Variants in TLN2 observed in about 807,000 individuals in gnomAD.
TLN2 encodes the protein talin-2.
TLN2 carries 118 observed loss-of-function variants against 294.7 expected under a neutral mutation model. That is an observed-to-expected ratio of 0.40 (90% CI 0.34 to 0.47). The LOEUF (loss-of-function observed/expected upper bound fraction) is 0.47. TLN2 is among the 20% of genes least tolerant of loss of function. The probability of loss-of-function intolerance (pLI) is 0.84; values close to 1 mark genes in which losing one functional copy is unlikely to be tolerated. For missense variants in TLN2, 3,083 were observed against 3,282.2 expected (o/e 0.94, Z 1.48); for synonymous variants, 1,431 against 1,304.5 (o/e 1.10, Z -2.09).
intron 1 of TLN2, among the ~76,000 whole-genome samples, chr15:62,439,685 A>T (rs1484191963): frequency 6.6e-6 from 1 of 152,034 alleles, no homozygotes; most frequent in Non-Finnish European, 1.5e-5. Context: ...ATAAATGTTT[A>T]TTTCTGGTGA....
At chr15:62,546,961 C>G (rs1411862577) in intron 1 of TLN2, among the ~76,000 whole-genome samples, 1 of 152,094 alleles carries the variant, frequency 6.6e-6, no homozygotes, top group African/African-American at 2.4e-5. Flanking sequence ...AGTCTGTGGA[C>G]CTCTTGAGAA....
chr15:62,476,412 G>A (rs4775508), intron 1 of TLN2: 86,602 of 152,150 alleles, frequency 0.57, 24,804 homozygotes, highest in Middle Eastern at 0.62. Flanking sequence ...ACTTGTTGAA[G>A]ACCATGAGTA....
chr15:62,750,560 C>A lies in TLN2; in HGVS notation c.4209+69C>A, dbSNP rs538985559. On this transcript the variant is annotated intron_variant, in intron 34 of 58. Transcript: ENST00000636159. ...CAATGTGGGGAGAAGTTTAGACGTG[C>A]CTTCTGTGCATCTGCCTGTGGCTGG... 5.5e-4 allele frequency: 743 copies of A among 1,344,506 alleles called. 13 individuals are homozygous for A. The South Asian group carries it at 8.5e-3, about 15-fold the overall frequency. The allele number at this position is 1,344,506 out of a possible 1,614,324, so 83.3% of individuals were successfully genotyped here.
chr15:62,399,270 A>C (rs916849902), intron 1 of TLN2, among the ~76,000 whole-genome samples: 2 of 150,470 alleles, frequency 1.3e-5, no homozygotes, highest in African/African-American at 4.9e-5. Flanking sequence ...AAAAAAAAAA[A>C]AAAAAAAAAA....
At chr15:62,713,663 T>G (rs2059573712) in intron 22 of TLN2, among the ~76,000 whole-genome samples, 1 of 151,776 alleles carries the variant, frequency 6.6e-6, no homozygotes, top group African/African-American at 2.4e-5. Flanking sequence ...CGGGAGATAC[T>G]GCAAGACTCT....
At chr15:62,634,341 T>C (rs187424561) in intron 3 of TLN2, among the ~76,000 whole-genome samples, 4 of 152,368 alleles carry the variant, frequency 2.6e-5, no homozygotes, top group East Asian at 1.9e-4. Context: ...CTGTCTCTCT[T>C]TGACTGGTCT....
intron 1 of TLN2, among the ~76,000 whole-genome samples, chr15:62,521,776 C>T (rs950041806): frequency 2.0e-5 from 3 of 152,140 alleles, no homozygotes; most frequent in Admixed American, 6.5e-5. Context: ...GGACATTTTC[C>T]GCATGCAAAT....
Position 62,739,493 on chromosome 15 carries a change from A to G in TLN2, c.3833A>G (p.Asp1278Gly). 1 of 1,614,204 alleles carries G rather than the reference A, an allele frequency of 6.2e-7. No individual in the cohort carries two copies. Among genetic ancestry groups the G allele is most frequent in the Non-Finnish European group, 8.5e-7 (1 of 1,180,038 alleles). Residue 1278 changes from aspartate (D) to glycine (G), a missense_variant, in exon 31 of 59, where the codon GAT becomes GGT. By Grantham distance (94) the Asp-to-Gly change is moderately conservative. Coordinates refer to ENST00000636159, the MANE Select transcript of TLN2 (RefSeq NM_015059.3). Reference protein sequence around the residue: ...ELAAASGKFSDDFDEFLDAGI... With the variant: ...ELAAASGKFSGDFDEFLDAGI... ...GCTGCAGCCTCTGGAAAGTTCAGTGATGATTTTGATGAATTCCTCGATGCT... is the reference window on the plus strand; with the variant it reads ...GCTGCAGCCTCTGGAAAGTTCAGTGGTGATTTTGATGAATTCCTCGATGCT...
At chr15:62,813,623 A>G (rs1823990331) in intron 52 of TLN2, among the ~76,000 whole-genome samples, 1 of 152,220 alleles carries the variant, frequency 6.6e-6, no homozygotes, top group African/African-American at 2.4e-5. Flanking sequence ...TCCAGCTCCA[A>G]GATTAGGATC....
At chr15:62,532,172 C>A (rs1426940275) in intron 1 of TLN2, among the ~76,000 whole-genome samples, 4 of 152,186 alleles carry the variant, frequency 2.6e-5, no homozygotes, top group African/African-American at 9.6e-5. Flanking sequence ...GTCTTGGCCC[C>A]CTGAGTGGCT....
At chr15:62,622,217 GA>G (rs942573532) in intron 3 of TLN2, among the ~76,000 whole-genome samples, 11 of 148,610 alleles carry the variant, frequency 7.4e-5, no homozygotes, top group Non-Finnish European at 1.3e-4. Flanking sequence ...CTGAGGATCA[GA>G]AAATTAAAAC....
chr15:62,645,889 A>G lies in TLN2; in HGVS notation c.-36-1386A>G, dbSNP rs1021563715. ...TAGGATGACACTCAGCTGGTTCTTCAGGCACAAAGAAAAAAGCGTTTGTGA... is the reference window on the plus strand; with the variant it reads ...TAGGATGACACTCAGCTGGTTCTTCGGGCACAAAGAAAAAAGCGTTTGTGA... On this transcript the variant is annotated intron_variant, in intron 3 of 58. Coordinates refer to ENST00000636159, the MANE Select transcript of TLN2 (RefSeq NM_015059.3). Among the ~76,000 whole-genome samples, 3 of 152,200 alleles carry G rather than the reference A, an allele frequency of 2.0e-5. No individual in the cohort carries two copies. In the East Asian group the frequency reaches 5.8e-4, roughly 29 times the overall value.
At chr15:62,607,100 C>T (rs140311831) in intron 2 of TLN2, among the ~76,000 whole-genome samples, 49 of 152,268 alleles carry the variant, frequency 3.2e-4, no homozygotes, top group South Asian at 3.1e-3. Context: ...TTTTCTCGCC[C>T]GTGATCCTGG....
At chr15:62,418,206 G>A (rs1481427151) in intron 1 of TLN2, among the ~76,000 whole-genome samples, 5 of 152,162 alleles carry the variant, frequency 3.3e-5, no homozygotes, top group African/African-American at 1.2e-4. Context: ...CACAGTGGGG[G>A]CTCTGGGAAT....
chr15:62,686,206 T>G lies in TLN2; in HGVS notation c.958-435T>G, dbSNP rs569624759. On this transcript the variant is annotated intron_variant, in intron 11 of 58. Transcript: ENST00000636159. ...AAAAAGGGCAGGAAGCTGTGTCTCCTCATAATGAGAAGATTCTACTTTGAC... is the reference window on the plus strand; with the variant it reads ...AAAAAGGGCAGGAAGCTGTGTCTCCGCATAATGAGAAGATTCTACTTTGAC... Among the ~76,000 whole-genome samples, 75 of 152,362 alleles carry G rather than the reference T, an allele frequency of 4.9e-4. 1 individual carries two copies. The East Asian group carries it at 6.9e-3, about 14-fold the overall frequency.
At chr15:62,615,766 G>A (rs1254118056) in intron 2 of TLN2, among the ~76,000 whole-genome samples, 1 of 152,128 alleles carries the variant, frequency 6.6e-6, no homozygotes, top group Non-Finnish European at 1.5e-5. Flanking sequence ...TTCAATCAAA[G>A]GAGTCTCATC....
intron 37 of TLN2, among the ~76,000 whole-genome samples, chr15:62,761,054 G>A (rs1567546255): frequency 6.6e-6 from 1 of 152,106 alleles, no homozygotes; most frequent in African/African-American, 2.4e-5. Context: ...CCCATTTGTG[G>A]GTGGCCCGTT....
intron 1 of TLN2, among the ~76,000 whole-genome samples, chr15:62,581,178 C>G (rs2044982070): frequency 6.6e-6 from 1 of 152,178 alleles, no homozygotes; most frequent in South Asian, 2.1e-4. Context: ...CCGCGCCCGG[C>G]CCAACCAGTG....
intron 1 of TLN2, among the ~76,000 whole-genome samples, chr15:62,559,517 G>A (rs1204318678): frequency 1.3e-5 from 2 of 152,178 alleles, no homozygotes; most frequent in East Asian, 3.9e-4. Context: ...CAGACCATGT[G>A]CATTATATCA....
Sources: allele counts gnomAD v4.1 joint callset (sites outside exome capture counted in the v4.1 genomes callset), GRCh38; gene constraint gnomAD v4.1.1; transcripts MANE v1.5; gene names NCBI Gene and HGNC (gene_info 2026-07-23, HGNC 2026-07-21).